Variants in STON1 observed in about 807,000 individuals in gnomAD.
STON1 encodes the protein stonin-1.
STON1 carries 79 observed loss-of-function variants against 60.9 expected under a neutral mutation model. That is an observed-to-expected ratio of 1.30 (90% confidence interval 1.08 to 1.56). The LOEUF is 1.56. STON1 is among the 40% of genes most tolerant of loss of function. STON1 has a pLI of 0.00. For synonymous variants in STON1, 363 were observed against 306.9 expected (o/e 1.18, Z -1.91); for missense variants, 1,166 against 858.9 (o/e 1.36, Z -4.47).
intron 1 of STON1, among the ~76,000 whole-genome samples, chr2:48,539,754 T>G (rs765803929): frequency 1.3e-4 from 20 of 152,170 alleles, no homozygotes; most frequent in Non-Finnish European, 2.2e-4. Context: ...ATTACAGGCG[T>G]GAGCCACTGT....
intron 1 of STON1, among the ~76,000 whole-genome samples, chr2:48,578,000 A>G (rs1472031708): frequency 6.7e-6 from 1 of 149,478 alleles, no homozygotes; most frequent in Admixed American, 6.6e-5. Context: ...TTTTTTTTTG[A>G]GACGGAGTTT....
At chr2:48,547,941 C>T (rs1266825107) in intron 1 of STON1, among the ~76,000 whole-genome samples, 7 of 152,146 alleles carry the variant, frequency 4.6e-5, no homozygotes, top group Admixed American at 3.3e-4. Context: ...GGGCTAGATG[C>T]GTTTTAAAGT....
In STON1 at chr2:48,540,785, G is replaced by A. The variant is rs375354491; in HGVS notation, c.-48+10569G>A. ...TGGGGAGGGGCAGTCTTGGGAACTAGCCCTCAGCCTATGGGATCTGACACT... is the reference window on the plus strand; with the variant it reads ...TGGGGAGGGGCAGTCTTGGGAACTAACCCTCAGCCTATGGGATCTGACACT... On this transcript the variant is annotated intron_variant, in intron 1 of 3. Transcript: ENST00000404752. 1.6e-4 allele frequency among the ~76,000 whole-genome samples: 24 copies of A among 152,256 alleles called. No homozygotes were observed. In the South Asian group the frequency reaches 4.4e-3, roughly 28 times the overall value.
chr2:48,578,232 C>T (rs1425429472), intron 1 of STON1, among the ~76,000 whole-genome samples: 1 of 152,206 alleles, frequency 6.6e-6, no homozygotes, highest in Non-Finnish European at 1.5e-5. Context: ...CCACCTTGGC[C>T]TCCCAAAGTT....
At chr2:48,591,455 C>G (rs970423423) in intron 2 of STON1, among the ~76,000 whole-genome samples, 198 bp from the exon 3 acceptor site, 1 of 151,930 alleles carries the variant, frequency 6.6e-6, no homozygotes, top group Non-Finnish European at 1.5e-5. Flanking sequence ...AAAGCTAGTA[C>G]TTAAAAATGG....
rs370458736 is a variant in STON1, at chr2:48,582,292, G to A, written c.1659G>A (p.Ala553=). The change falls in exon 2 of 4, where the codon GCG becomes GCA. Residue 553 remains alanine, a synonymous_variant. Transcript: ENST00000404752. ...LQAFVNMASL[A]QRSSYAGSLR... ...CTTTTGTCAACATGGCCTCATTGGC[G>A]CAGAGGTCATCCTATGCTGGTTCCT... is the stretch of plus-strand genomic sequence containing the variant. The A allele has an allele frequency of 2.0e-5, 32 of 1,614,086 alleles. No homozygotes were observed. The highest frequency in any genetic ancestry group is 5.5e-5 in the South Asian group (5 of 91,090).
intron 1 of STON1, among the ~76,000 whole-genome samples, chr2:48,574,104 A>G (rs1194864851): frequency 1.3e-5 from 2 of 152,182 alleles, no homozygotes; most frequent in African/African-American, 4.8e-5. Flanking sequence ...GGCCAGGTGC[A>G]GTGGCTCACA....
intron 1 of STON1, among the ~76,000 whole-genome samples, chr2:48,571,745 A>G (rs763753761): frequency 2.6e-5 from 4 of 152,240 alleles, no homozygotes; most frequent in South Asian, 2.1e-4. Flanking sequence ...AAGGTGCTGC[A>G]TGAAATTGAT....
intron 1 of STON1, among the ~76,000 whole-genome samples, chr2:48,554,923 T>C (rs1018735246): frequency 1.0e-4 from 7 of 66,846 alleles, no homozygotes; most frequent in Non-Finnish European, 1.8e-4. Flanking sequence ...GGATTGGTGA[T>C]GACTCTTAAC....
intron 1 of STON1, among the ~76,000 whole-genome samples, chr2:48,571,500 T>C (rs1238770312): frequency 6.6e-6 from 1 of 152,184 alleles, no homozygotes; most frequent in African/African-American, 2.4e-5. Context: ...ACCCTACTTG[T>C]AATGCAGGAA....
intron 1 of STON1, among the ~76,000 whole-genome samples, chr2:48,550,960 T>C (rs1293127714): frequency 6.6e-6 from 1 of 151,962 alleles, no homozygotes; most frequent in African/African-American, 2.4e-5. Flanking sequence ...TTTTCTTTTC[T>C]TTTTACTTAA....
At chr2:48,541,838 T>G (rs1671667728) in intron 1 of STON1, among the ~76,000 whole-genome samples, 1 of 152,064 alleles carries the variant, frequency 6.6e-6, no homozygotes, top group Admixed American at 6.5e-5. Flanking sequence ...AATAATACCG[T>G]GTGCCACTGC....
chr2:48,539,097 T>G (rs1234081417), intron 1 of STON1, among the ~76,000 whole-genome samples: 1 of 152,092 alleles, frequency 6.6e-6, no homozygotes, highest in African/African-American at 2.4e-5. Context: ...TTTGTATTTT[T>G]TGTAGAGATG....
At chr2:48,558,514 T>C (rs192907177) in intron 1 of STON1, among the ~76,000 whole-genome samples, 81 of 152,332 alleles carry the variant, frequency 5.3e-4, no homozygotes, top group African/African-American at 1.9e-3. Flanking sequence ...GCTCAGTGGC[T>C]TGTGGCCCAG....
intron 2 of STON1, among the ~76,000 whole-genome samples, chr2:48,584,657 C>T (rs1373649293): frequency 2.0e-5 from 2 of 100,280 alleles, no homozygotes; most frequent in Non-Finnish European, 4.0e-5. Context: ...GAATCTCTGG[C>T]GGGGGTGGGC....
At position 48,593,184 on chromosome 2, in the gene STON1, C is replaced by T. The variant is rs149218295; in HGVS notation, c.2133+1329C>T. On this transcript the variant is annotated intron_variant, in intron 3 of 3. Coordinates refer to ENST00000404752, the MANE Select transcript of STON1 (RefSeq NM_006873.4). ...AGGTTGGAGTGCAGTGGCATGGTCTCGGCTCACTGCAACCTCCGCTTCCTA... is the reference window on the plus strand; with the variant it reads ...AGGTTGGAGTGCAGTGGCATGGTCTTGGCTCACTGCAACCTCCGCTTCCTA... Among the ~76,000 whole-genome samples, 1,174 of 152,038 alleles carry T rather than the reference C, an allele frequency of 7.7e-3. 7 individuals carry two copies. Among genetic ancestry groups the T allele is most frequent in the Non-Finnish European group, 0.01 (710 of 67,968 alleles).
At chr2:48,558,522 C>T (rs963416723) in intron 1 of STON1, among the ~76,000 whole-genome samples, 3 of 152,184 alleles carry the variant, frequency 2.0e-5, no homozygotes, top group African/African-American at 7.2e-5. Context: ...GCTTGTGGCC[C>T]AGTTTAGGCA....
At position 48,582,346 on chromosome 2, in the gene STON1, C is replaced by G; in HGVS notation, c.1713C>G (p.His571Gln). Reference sequence around the variant, plus strand: ...GGTCCTGTGACAATATAAGGATACACTTTCCTGTCCCATCGCAGTGGATCA... The same window carrying G: ...GGTCCTGTGACAATATAAGGATACAGTTTCCTGTCCCATCGCAGTGGATCA... ...SLRSCDNIRI[H>Q]FPVPSQWIKA... is the part of the protein sequence containing the mutation. The change falls in exon 2 of 4, where the codon CAC (histidine) becomes CAG (glutamine). Residue 571 changes from histidine to glutamine, a missense_variant. Transcript: ENST00000404752. 3.1e-6 allele frequency: 5 copies of G among 1,614,208 alleles called. No individual in the cohort carries two copies. Among genetic ancestry groups the G allele is most frequent in the South Asian group, 1.1e-5 (1 of 91,090 alleles).
chr2:48,533,872 C>T (rs377595793), intron 1 of STON1, among the ~76,000 whole-genome samples: 3 of 150,444 alleles, frequency 2.0e-5, no homozygotes, highest in African/African-American at 7.3e-5. Context: ...TGGGTTCAAG[C>T]GATTCTCCTG....
Sources: gnomAD v4.1 joint callset for allele counts (sites outside exome capture counted in the v4.1 genomes callset) on GRCh38, gnomAD v4.1.1 for gene constraint, MANE v1.5 for transcripts, NCBI Gene and HGNC (gene_info 2026-07-23, HGNC 2026-07-21) for gene names.